GPHN: variants seen among roughly 807,000 people sequenced by gnomAD.
The protein encoded by GPHN is gephyrin.
GPHN carries 17 observed loss-of-function variants against 95.5 expected under a neutral mutation model. The observed-to-expected ratio is 0.18, with a 90% CI of 0.12 to 0.27. The LOEUF is 0.27. Among genes scored for constraint, GPHN ranks in the 10% least tolerant of loss-of-function variants. The probability of loss-of-function intolerance (pLI) is 1.00; values close to 1 mark genes in which losing one functional copy is unlikely to be tolerated. For missense variants in GPHN, 660 were observed against 978.1 expected, an observed-to-expected ratio of 0.67 and a Z score of 4.34; for synonymous variants, 320 against 322.5, an observed-to-expected ratio of 0.99 and a Z score of 0.08.
intron 9 of GPHN, among the ~76,000 whole-genome samples, chr14:66,972,578 CA>C (rs2069882873): frequency 6.6e-6 from 1 of 151,854 alleles, no homozygotes; most frequent in Non-Finnish European, 1.5e-5. Context: ...CCCATTTTGT[CA>C]CATTCAAGGC....
intron 2 of GPHN, among the ~76,000 whole-genome samples, chr14:66,729,848 T>A (rs1016475260): frequency 6.6e-6 from 1 of 152,194 alleles, no homozygotes; most frequent in Non-Finnish European, 1.5e-5. Context: ...GAGTAGTAAT[T>A]CCCATTTTTT....
At chr14:67,560,345 T>C in the GPHN span, among the ~76,000 whole-genome samples, 1 of 152,328 alleles carries the variant, frequency 6.6e-6, no homozygotes. Context: ...TTCCATCCTC[T>C]TCATTCTTTT....
chr14:66,617,304 C>A (rs1286542817), intron 1 of GPHN, among the ~76,000 whole-genome samples: 3 of 152,198 alleles, frequency 2.0e-5, no homozygotes, highest in African/African-American at 2.4e-5. Flanking sequence ...TATTGAGAAT[C>A]TGCAGAGCTC....
chr14:67,441,996 C>T, the GPHN span: 112 of 154,064 alleles, frequency 7.3e-4, 3 homozygotes, highest in Middle Eastern at 0.018. Context: ...TATAGGCCCT[C>T]TACTTTTAGG....
At chr14:67,065,012 T>C (rs1377904485) in intron 11 of GPHN, among the ~76,000 whole-genome samples, 5 of 152,222 alleles carry the variant, frequency 3.3e-5, no homozygotes, top group African/African-American at 1.2e-4. Flanking sequence ...CTAGTTCTTT[T>C]AATTATGATG....
At chr14:67,077,160 T>C (rs1175157695) in intron 11 of GPHN, among the ~76,000 whole-genome samples, 2 of 152,204 alleles carry the variant, frequency 1.3e-5, no homozygotes, top group Non-Finnish European at 2.9e-5. Flanking sequence ...TGTTTTGTTT[T>C]GTTTTTTACT....
Position 66,848,972 on chromosome 14 carries a change from TAGTAC to T in GPHN, c.294+24408_294+24412del, listed in dbSNP as rs548854101. On this transcript the variant is annotated intron_variant, in intron 4 of 22. Transcript: ENST00000478722. The stretch of plus-strand genomic sequence containing the variant: ...TTATTATAATAATTACTAAAATGTA[TAGTAC>T]ACTTACTGTATGCCATGTATTTTTA... Among the ~76,000 whole-genome samples the T allele has an allele frequency of 3.0e-3, 463 of 152,044 alleles. 8 individuals carry two copies. Among genetic ancestry groups the T allele is most frequent in the African/African-American group, 0.011 (439 of 41,556 alleles).
At chr14:67,686,791 T>A in the GPHN span, among the ~76,000 whole-genome samples, 2 of 152,228 alleles carry the variant, frequency 1.3e-5, no homozygotes, top group Admixed American at 1.3e-4. Context: ...TAATATGAAA[T>A]GTATACATAC....
intron 18 of GPHN, among the ~76,000 whole-genome samples, chr14:67,149,601 AAAG>A (rs2153709677): frequency 6.6e-6 from 1 of 152,334 alleles, no homozygotes; most frequent in Non-Finnish European, 1.5e-5. Context: ...TTGAAAAACA[AAAG>A]AACACTTATA....
chr14:67,269,689 T>C, the GPHN span: 2 of 152,662 alleles, frequency 1.3e-5, no homozygotes, highest in Non-Finnish European at 2.9e-5. Flanking sequence ...GTCTCATTTT[T>C]CTTTTTTATA....
At chr14:67,032,142 A>C (rs532099023) in intron 10 of GPHN, among the ~76,000 whole-genome samples, 1 of 152,248 alleles carries the variant, frequency 6.6e-6, no homozygotes, top group Non-Finnish European at 1.5e-5. Context: ...ATAGCTTAGC[A>C]TGATAAAGAG....
intron 1 of GPHN, among the ~76,000 whole-genome samples, chr14:66,528,787 T>C (rs1375979730): frequency 6.6e-6 from 1 of 152,222 alleles, no homozygotes; most frequent in East Asian, 1.9e-4. Flanking sequence ...TGTAGACTAT[T>C]GGCCCCCACT....
chr14:66,629,128 TATAAA>T (rs2063646726), intron 1 of GPHN, among the ~76,000 whole-genome samples: 1 of 137,582 alleles, frequency 7.3e-6, no homozygotes, highest in Middle Eastern at 3.4e-3. Flanking sequence ...TAAATATGTA[TATAAA>T]TATATATTTA....
At chr14:67,529,713 T>C in the GPHN span, among the ~76,000 whole-genome samples, 66 of 152,318 alleles carry the variant, frequency 4.3e-4, 2 homozygotes, top group African/African-American at 1.5e-3. Flanking sequence ...TCACCTCTCA[T>C]GTCCCATGGT....
the GPHN span, among the ~76,000 whole-genome samples, chr14:67,591,504 C>T: frequency 1.3e-5 from 2 of 152,182 alleles, no homozygotes; most frequent in African/African-American, 4.8e-5. Flanking sequence ...ATACCTACCT[C>T]TAAATTTATT....
chr14:67,575,615 G>A, the GPHN span: 1 of 731,690 alleles, frequency 1.4e-6, no homozygotes, highest in Non-Finnish European at 2.4e-6. Flanking sequence ...TCCAGAGTGT[G>A]AGATTCTGCC....
At chr14:67,535,512 C>T in the GPHN span, among the ~76,000 whole-genome samples, 1 of 151,132 alleles carries the variant, frequency 6.6e-6, no homozygotes, top group Non-Finnish European at 1.5e-5. Context: ...TCCCAAGTGG[C>T]TGGGATTAAC....
the GPHN span, chr14:67,381,474 A>G: frequency 1.5e-6 from 1 of 689,208 alleles, no homozygotes; most frequent in Non-Finnish European, 2.5e-6. Flanking sequence ...TGCAGTATAG[A>G]GAGGTTGGAT....
intron 21 of GPHN, among the ~76,000 whole-genome samples, chr14:67,173,192 C>T (rs2082700796): frequency 6.6e-6 from 1 of 152,200 alleles, no homozygotes; most frequent in Non-Finnish European, 1.5e-5. Flanking sequence ...TCACAAGACC[C>T]TTAGCCTAGG....
Sources: allele counts gnomAD v4.1 joint callset (sites outside exome capture counted in the v4.1 genomes callset), GRCh38; gene constraint gnomAD v4.1.1; transcripts MANE v1.5; gene names NCBI Gene and HGNC (gene_info 2026-07-23, HGNC 2026-07-21).